SPAG16: variants seen among roughly 807,000 people sequenced by gnomAD.
SPAG16 encodes the protein sperm-associated antigen 16 protein.
SPAG16 carries 86 observed loss-of-function variants against 80.4 expected under a neutral mutation model. The ratio of observed to expected loss-of-function variants is 1.07; its 90% CI spans 0.90 to 1.28. The LOEUF (loss-of-function observed/expected upper bound fraction) is 1.28. SPAG16 is among the 50% of genes most tolerant of loss of function. The pLI is 0.00. For synonymous variants in SPAG16, 294 were observed against 265.9 expected (o/e 1.11, Z -1.03); for missense variants, 870 against 765.3 (o/e 1.14, Z -1.61).
intron 10 of SPAG16, among the ~76,000 whole-genome samples, chr2:213,561,157 C>G (rs1318032028): frequency 6.6e-6 from 1 of 152,212 alleles, no homozygotes; most frequent in Admixed American, 6.5e-5. Context: ...AGCCACTGTG[C>G]CAGGCCAGCA....
intron 7 of SPAG16, among the ~76,000 whole-genome samples, chr2:213,351,614 A>G (rs1488498979): frequency 6.6e-6 from 1 of 152,182 alleles, no homozygotes; most frequent in African/African-American, 2.4e-5. Context: ...ACTATGCTTA[A>G]CATTCTATTA....
intron 9 of SPAG16, among the ~76,000 whole-genome samples, chr2:213,466,297 C>A (rs1039404751): frequency 1.3e-5 from 2 of 152,178 alleles, no homozygotes; most frequent in African/African-American, 4.8e-5. Context: ...GACTAATACA[C>A]CTTCCTCACT....
rs780289663 is a variant in SPAG16 at position 213,317,271 on chromosome 2, C to G, written c.451C>G (p.Pro151Ala). 6.2e-7 allele frequency: 1 copy of G among 1,609,558 alleles called. No individual in the cohort carries two copies. The highest frequency in any genetic ancestry group is 1.1e-5 in the South Asian group (1 of 90,584). The change falls in exon 5 of 16, where the codon CCA becomes GCA. Residue 151 changes from proline to alanine, a missense_variant. Physicochemically the swap from Pro to Ala is conservative, Grantham distance 27 (BLOSUM62 -1). Transcript: ENST00000331683. The stretch of plus-strand genomic sequence containing the variant: ...TGAACTTAGAACTGTTGGGAATGTT[C>G]CAGATGTCTACACCCAGATTATGCT... ...VTELRTVGNVPDVYTQIMLLE... is the reference protein window; with the variant it reads ...VTELRTVGNVADVYTQIMLLE...
intron 13 of SPAG16, among the ~76,000 whole-genome samples, chr2:214,036,243 CAGTTG>C (rs2048691281): frequency 6.6e-6 from 1 of 152,166 alleles, no homozygotes. Context: ...AAGTAGGCCA[CAGTTG>C]CCCTTTTGAC....
intron 15 of SPAG16, among the ~76,000 whole-genome samples, chr2:214,364,257 T>G (rs1576891293): frequency 6.6e-6 from 1 of 152,082 alleles, no homozygotes; most frequent in Non-Finnish European, 1.5e-5. Flanking sequence ...AAATATTTGT[T>G]GAATTAATTA....
intron 12 of SPAG16, among the ~76,000 whole-genome samples, chr2:213,955,107 G>C (rs540211327): frequency 6.6e-6 from 1 of 151,748 alleles, no homozygotes; most frequent in Non-Finnish European, 1.5e-5. Flanking sequence ...TGGCTCGTCT[G>C]TTCACTTTTT....
At chr2:213,994,057 T>C (rs551289920) in intron 12 of SPAG16, among the ~76,000 whole-genome samples, 7 of 152,318 alleles carry the variant, frequency 4.6e-5, no homozygotes, top group African/African-American at 1.7e-4. Context: ...AAACCATGGG[T>C]AGAATTTGAG....
chr2:213,350,441 AAAAG>A (rs1261735781), intron 6 of SPAG16, 83 bp from the exon 7 acceptor site: 3 of 664,872 alleles, frequency 4.5e-6, no homozygotes, highest in African/African-American at 3.7e-5. Flanking sequence ...GCAAAAAAGA[AAAAG>A]AAAAAAAGGT....
intron 14 of SPAG16, among the ~76,000 whole-genome samples, chr2:214,127,167 C>T (rs1379573278): frequency 1.3e-5 from 2 of 151,740 alleles, no homozygotes; most frequent in East Asian, 1.9e-4. Flanking sequence ...AATCCCTGCC[C>T]TCTGCCTTTC....
At chr2:213,743,245 C>T (rs930552950) in intron 10 of SPAG16, among the ~76,000 whole-genome samples, 1 of 152,182 alleles carries the variant, frequency 6.6e-6, no homozygotes, top group African/African-American at 2.4e-5. Context: ...TTTATTGTAT[C>T]TCCTCTTCCA....
chr2:213,502,448 C>T (rs557668292), intron 10 of SPAG16, among the ~76,000 whole-genome samples: 1 of 152,172 alleles, frequency 6.6e-6, no homozygotes, highest in African/African-American at 2.4e-5. Context: ...ATACAAGGAA[C>T]CACATTTATA....
At chr2:214,199,270 T>C (rs778929184) in intron 15 of SPAG16, among the ~76,000 whole-genome samples, 10 of 152,144 alleles carry the variant, frequency 6.6e-5, no homozygotes, top group African/African-American at 9.7e-5. Flanking sequence ...CTTCTTGAGT[T>C]GATTTTTGTA....
intron 9 of SPAG16, among the ~76,000 whole-genome samples, chr2:213,444,722 T>C (rs1288906928): frequency 2.0e-5 from 3 of 151,996 alleles, no homozygotes; most frequent in Non-Finnish European, 2.9e-5. Flanking sequence ...ATATTTTTCA[T>C]AGGAAAAGAA....
intron 10 of SPAG16, among the ~76,000 whole-genome samples, chr2:213,655,336 G>A (rs1324101730): frequency 1.3e-5 from 2 of 152,184 alleles, no homozygotes; most frequent in Non-Finnish European, 2.9e-5. Context: ...CTGGATATTG[G>A]AGGGAAGAAG....
intron 13 of SPAG16, among the ~76,000 whole-genome samples, chr2:214,017,783 G>A (rs2047664903): frequency 6.6e-6 from 1 of 152,122 alleles, no homozygotes; most frequent in South Asian, 2.1e-4. Context: ...CCATTTGCAT[G>A]ACTTTAATCA....
intron 15 of SPAG16, among the ~76,000 whole-genome samples, chr2:214,393,784 A>G (rs1701216546): frequency 6.6e-6 from 1 of 152,204 alleles, no homozygotes. Flanking sequence ...TAATTTCTAG[A>G]AAAAGAAACA....
chr2:213,298,990 T>C (rs971479001), intron 3 of SPAG16, among the ~76,000 whole-genome samples: 3 of 152,210 alleles, frequency 2.0e-5, no homozygotes, highest in Non-Finnish European at 4.4e-5. Context: ...TATGTTAATC[T>C]TCAGTAATTT....
intron 10 of SPAG16, among the ~76,000 whole-genome samples, chr2:213,630,538 A>G (rs747495975): frequency 1.3e-5 from 2 of 152,236 alleles, no homozygotes; most frequent in Non-Finnish European, 2.9e-5. Flanking sequence ...ATATAATGTA[A>G]AAACACAGTT....
intron 10 of SPAG16, among the ~76,000 whole-genome samples, chr2:213,780,600 G>A (rs569750650): frequency 1.3e-4 from 19 of 144,894 alleles, no homozygotes; most frequent in African/African-American, 4.1e-4. Context: ...GGTGGTGAGC[G>A]GGGGTGAATC....
Sources: gnomAD v4.1 joint callset for allele counts (sites outside exome capture counted in the v4.1 genomes callset) on GRCh38, gnomAD v4.1.1 for gene constraint, MANE v1.5 for transcripts, NCBI Gene and HGNC (gene_info 2026-07-23, HGNC 2026-07-21) for gene names.